The following RAP1A variants were observed in gnomAD, a reference collection of about 807,000 sequenced individuals.
RAP1A encodes the protein ras-related protein Rap-1A.
RAP1A carries 6 observed loss-of-function variants against 26.4 expected under a neutral mutation model. The ratio of observed to expected loss-of-function variants is 0.23; its 90% CI spans 0.12 to 0.45. The LOEUF is 0.45. Among genes scored for constraint, RAP1A ranks in the 20% least tolerant of loss-of-function variants. The probability of loss-of-function intolerance (pLI) is 0.99; values close to 1 mark genes in which losing one functional copy is unlikely to be tolerated. For synonymous variants in RAP1A, 73 were observed against 79.4 expected (o/e 0.92, Z 0.43); for missense variants, 121 against 217.2 (o/e 0.56, Z 2.78).
intron 1 of RAP1A, among the ~76,000 whole-genome samples, chr1:111,547,544 TG>T (rs1468397644): frequency 1.3e-4 from 20 of 152,216 alleles, no homozygotes; most frequent in Admixed American, 1.3e-3. Flanking sequence ...AAGACACTTT[TG>T]TAAGTGATGA....
chr1:111,658,006 A>G (rs939483203), intron 1 of RAP1A, among the ~76,000 whole-genome samples: 10 of 152,124 alleles, frequency 6.6e-5, no homozygotes, highest in Admixed American at 2.6e-4. Flanking sequence ...AATTTATTCA[A>G]ATTTATTGAG....
intron 1 of RAP1A, among the ~76,000 whole-genome samples, chr1:111,598,820 G>A (rs1658607958): frequency 6.6e-6 from 1 of 152,152 alleles, no homozygotes; most frequent in Admixed American, 6.5e-5. Context: ...GAAACCACAG[G>A]TTGAGGGCTC....
At chr1:111,644,653 C>T (rs985607395) in intron 1 of RAP1A, among the ~76,000 whole-genome samples, 3 of 152,196 alleles carry the variant, frequency 2.0e-5, no homozygotes, top group African/African-American at 7.2e-5. Flanking sequence ...TCCACTTCGC[C>T]AACTCTTGAT....
intron 4 of RAP1A, among the ~76,000 whole-genome samples, chr1:111,700,621 T>A (rs1661990678): frequency 6.6e-6 from 1 of 152,206 alleles, no homozygotes; most frequent in African/African-American, 2.4e-5. Flanking sequence ...ATTTCTTTTC[T>A]GAACTTCGAG....
chr1:111,603,127 G>A (rs376913047), intron 1 of RAP1A, among the ~76,000 whole-genome samples: 1 of 152,336 alleles, frequency 6.6e-6, no homozygotes, highest in Middle Eastern at 3.4e-3. Context: ...TGAAGCAGAG[G>A]CTGAGAACCT....
At chr1:111,562,892 G>T (rs1657795437) in intron 1 of RAP1A, among the ~76,000 whole-genome samples, 1 of 152,194 alleles carries the variant, frequency 6.6e-6, no homozygotes, top group South Asian at 2.1e-4. Context: ...GCTTAGCCTT[G>T]TGCTGGTAGC....
At chr1:111,594,770 T>A (rs1258178828) in intron 1 of RAP1A, among the ~76,000 whole-genome samples, 2 of 152,182 alleles carry the variant, frequency 1.3e-5, no homozygotes, top group Non-Finnish European at 2.9e-5. Context: ...TGGAAATGAT[T>A]CATGAAAATC....
intron 1 of RAP1A, among the ~76,000 whole-genome samples, chr1:111,548,286 G>T (rs1233423912): frequency 1.3e-5 from 2 of 152,220 alleles, no homozygotes; most frequent in Non-Finnish European, 2.9e-5. Context: ...CTCCCAAAGT[G>T]CTGGGATTAC....
chr1:111,544,776 A>G (rs996127598), intron 1 of RAP1A, among the ~76,000 whole-genome samples: 1 of 150,904 alleles, frequency 6.6e-6, no homozygotes, highest in Non-Finnish European at 1.5e-5. Flanking sequence ...AATTTGGTAC[A>G]TACCCAATTT....
chr1:111,557,677 A>T (rs139533103), intron 1 of RAP1A, among the ~76,000 whole-genome samples: 25 of 152,346 alleles, frequency 1.6e-4, no homozygotes, highest in African/African-American at 5.3e-4. Flanking sequence ...GATATCAGAA[A>T]AAAGGTTTGA....
At chr1:111,678,301 T>C (rs1249324189) in intron 1 of RAP1A, among the ~76,000 whole-genome samples, 2 of 152,228 alleles carry the variant, frequency 1.3e-5, no homozygotes, top group Non-Finnish European at 2.9e-5. Flanking sequence ...TGTTTTGTAG[T>C]TTTGGTATAT....
At chr1:111,677,359 G>C (rs1232283240) in intron 1 of RAP1A, among the ~76,000 whole-genome samples, 2 of 150,682 alleles carry the variant, frequency 1.3e-5, no homozygotes, top group Non-Finnish European at 2.9e-5. Context: ...TGAAAATAAT[G>C]TCTTTTACAC....
chr1:111,662,806 A>G (rs1030044609), intron 1 of RAP1A, among the ~76,000 whole-genome samples: 1 of 152,226 alleles, frequency 6.6e-6, no homozygotes, highest in Non-Finnish European at 1.5e-5. Context: ...TTGTTGTGTA[A>G]ATAAAGAAGT....
At chr1:111,632,819 G>A (rs566069601) in intron 1 of RAP1A, among the ~76,000 whole-genome samples, 1 of 151,780 alleles carries the variant, frequency 6.6e-6, no homozygotes, top group African/African-American at 2.4e-5. Flanking sequence ...TACTCAGGAG[G>A]CTGAGGCAGG....
At chr1:111,693,756 A>G (rs1016586901) in intron 2 of RAP1A, among the ~76,000 whole-genome samples, 1 of 152,152 alleles carries the variant, frequency 6.6e-6, no homozygotes, top group African/African-American at 2.4e-5. Flanking sequence ...TAAACTTATG[A>G]GAGAAGAAGA....
At chr1:111,680,892 G>A (rs1319912251) in intron 1 of RAP1A, 1 of 152,220 alleles carries the variant, frequency 6.6e-6, no homozygotes, top group Non-Finnish European at 1.5e-5. Context: ...TCATCCAAAG[G>A]TCCTCAGCAC....
At chr1:111,682,541 C>T (rs1386284875) in intron 1 of RAP1A, among the ~76,000 whole-genome samples, 5 of 150,314 alleles carry the variant, frequency 3.3e-5, no homozygotes, top group Non-Finnish European at 7.4e-5. Flanking sequence ...ATCCTAGTCT[C>T]TGATAAAACA....
chr1:111,657,529 G>A (rs1467896197), intron 1 of RAP1A, among the ~76,000 whole-genome samples: 1 of 151,916 alleles, frequency 6.6e-6, no homozygotes, highest in Admixed American at 6.6e-5. Flanking sequence ...AGCAATCATT[G>A]CCAAATCCAT....
chr1:111,708,084 A>G (rs561907289), intron 6 of RAP1A, among the ~76,000 whole-genome samples: 1 of 152,236 alleles, frequency 6.6e-6, no homozygotes, highest in Admixed American at 6.5e-5. Context: ...GCTGAGATGG[A>G]AGGATCACTT....
Sources: allele counts gnomAD v4.1 joint callset (sites outside exome capture counted in the v4.1 genomes callset), GRCh38; gene constraint gnomAD v4.1.1; transcripts MANE v1.5; gene names NCBI Gene and HGNC (gene_info 2026-07-23, HGNC 2026-07-21).